SMURF2: variants seen among roughly 807,000 people sequenced by gnomAD.
SMURF2 encodes the protein E3 ubiquitin-protein ligase SMURF2.
SMURF2 carries 48 observed loss-of-function variants against 109.6 expected under a neutral mutation model. The ratio of observed to expected loss-of-function variants is 0.44; its 90% CI spans 0.35 to 0.56. SMURF2 has a LOEUF of 0.56. Ranked by LOEUF, SMURF2 falls within the 20% of genes least tolerant of loss-of-function variation. SMURF2 has a pLI of 0.01. For synonymous variants in SMURF2, 288 were observed against 317.1 expected, an observed-to-expected ratio of 0.91 and a Z score of 0.97; for missense variants, 575 against 909.0, an observed-to-expected ratio of 0.63 and a Z score of 4.72.
At chr17:64,609,754 A>G (rs1354559434) in intron 1 of SMURF2, among the ~76,000 whole-genome samples, 1 of 152,170 alleles carries the variant, frequency 6.6e-6, no homozygotes, top group Non-Finnish European at 1.5e-5. Context: ...AATGGCAACA[A>G]AAGCCAAAAT....
intron 1 of SMURF2, among the ~76,000 whole-genome samples, chr17:64,621,470 C>T (rs1440737234): frequency 1.3e-5 from 2 of 152,064 alleles, no homozygotes; most frequent in East Asian, 1.9e-4. Flanking sequence ...GTCCCAGCTA[C>T]TCAGGAGGCT....
intron 1 of SMURF2, among the ~76,000 whole-genome samples, chr17:64,631,942 C>T (rs1486830339): frequency 1.3e-5 from 1 of 74,610 alleles, no homozygotes; most frequent in African/African-American, 5.3e-5. Flanking sequence ...TAGTATTATT[C>T]TAAGACTCTC....
At chr17:64,557,792 CTAAT>C in intron 12 of SMURF2, 70 bp from the exon 13 acceptor site, 1 of 773,274 alleles carries the variant, frequency 1.3e-6, no homozygotes, top group Non-Finnish European at 2.1e-6. Context: ...ATGTCATTAA[CTAAT>C]CATTTTAGCA....
chr17:64,611,320 TTC>T (rs1404510241), intron 1 of SMURF2, among the ~76,000 whole-genome samples: 2 of 152,142 alleles, frequency 1.3e-5, no homozygotes, highest in Non-Finnish European at 2.9e-5. Flanking sequence ...TTTCCATATA[TTC>T]TCTCTGGTCT....
At position 64,578,703 on chromosome 17, in the gene SMURF2, C is replaced by CA. The variant is rs782696509; in HGVS notation, c.773-128dup. Reference sequence around the variant, plus strand: ...ATTACCAATCTATTTTATTTATTATCAAAAAAGGGCTTTACAAATCATTTG... The same window carrying CA: ...ATTACCAATCTATTTTATTTATTATCAAAAAAAGGGCTTTACAAATCATTTG... On this transcript the variant is annotated intron_variant, in intron 8 of 18. Coordinates refer to ENST00000262435, the MANE Select transcript of SMURF2 (RefSeq NM_022739.4). 6.1e-4 allele frequency: 370 copies of CA among 610,986 alleles called. 1 individual carries two copies. Among genetic ancestry groups the CA allele is most frequent in the Admixed American group, 2.0e-4 (6 of 30,488 alleles). 37.8% of individuals were successfully genotyped at this position (610,986 alleles called of 1,614,324 possible).
intron 1 of SMURF2, among the ~76,000 whole-genome samples, chr17:64,641,940 G>A (rs973146115): frequency 6.6e-6 from 1 of 152,114 alleles, no homozygotes; most frequent in African/African-American, 2.4e-5. Flanking sequence ...CCGAGTAGCT[G>A]GAATTACAGG....
chr17:64,617,191 A>G (rs1970138520), intron 1 of SMURF2, among the ~76,000 whole-genome samples: 1 of 151,944 alleles, frequency 6.6e-6, no homozygotes, highest in African/African-American at 2.4e-5. Context: ...AAGATTCAGA[A>G]TTCTCCTCTT....
intron 5 of SMURF2, 44 bp downstream of exon 5, chr17:64,591,040 C>G (rs1388096890): frequency 1.4e-6 from 2 of 1,427,734 alleles, no homozygotes; most frequent in African/African-American, 2.8e-5. Context: ...CACTTTAGGT[C>G]AGTTTGAAAC....
At chr17:64,622,304 CATT>C (rs1320016999) in intron 1 of SMURF2, among the ~76,000 whole-genome samples, 7 of 151,986 alleles carry the variant, frequency 4.6e-5, no homozygotes, top group Non-Finnish European at 1.0e-4. Context: ...GAACATCTAA[CATT>C]AATATGGGAC....
chr17:64,660,341 A>C (rs1040354520), intron 1 of SMURF2, among the ~76,000 whole-genome samples: 8 of 152,124 alleles, frequency 5.3e-5, no homozygotes, highest in African/African-American at 1.9e-4. Context: ...AGCAACAAAG[A>C]TCCCCTATAA....
At chr17:64,558,636 G>A (rs16947887) in intron 12 of SMURF2, among the ~76,000 whole-genome samples, 8,194 of 152,226 alleles carry the variant, frequency 0.054, 320 homozygotes, top group Admixed American at 0.14. Context: ...TGTAGGTATG[G>A]ACTCAAGGGC....
chr17:64,588,973 C>T (rs1260998055), intron 5 of SMURF2, among the ~76,000 whole-genome samples: 1 of 152,028 alleles, frequency 6.6e-6, no homozygotes, highest in Non-Finnish European at 1.5e-5. Flanking sequence ...TCTCCATTTT[C>T]CAAAAAGTAT....
chr17:64,607,062 G>GC (rs1400309424), intron 1 of SMURF2, among the ~76,000 whole-genome samples: 1 of 146,872 alleles, frequency 6.8e-6, no homozygotes, highest in Non-Finnish European at 1.5e-5. Context: ...ATATAGATGA[G>GC]TTTTTTTTCT....
intron 2 of SMURF2, 100 bp from the exon 3 acceptor site, chr17:64,598,590 TA>T: frequency 1.0e-6 from 1 of 977,020 alleles, no homozygotes; most frequent in Non-Finnish European, 1.4e-6. Flanking sequence ...TCCATTCTTT[TA>T]AAAAAGTTTA....
At chr17:64,564,005 A>C (rs1454502473) in intron 10 of SMURF2, among the ~76,000 whole-genome samples, 2 of 152,208 alleles carry the variant, frequency 1.3e-5, no homozygotes, top group African/African-American at 2.4e-5. Flanking sequence ...CATATATCAG[A>C]TATGTAAATA....
At chr17:64,631,649 C>A (rs952140496) in intron 1 of SMURF2, among the ~76,000 whole-genome samples, 2 of 152,102 alleles carry the variant, frequency 1.3e-5, no homozygotes, top group Non-Finnish European at 2.9e-5. Flanking sequence ...CACTTAAACA[C>A]CCCCTCCCAA....
intron 5 of SMURF2, among the ~76,000 whole-genome samples, chr17:64,587,643 C>A (rs1555687231): frequency 6.6e-6 from 1 of 152,132 alleles, no homozygotes; most frequent in African/African-American, 2.4e-5. Context: ...ATTCTGAAAT[C>A]TTCCAGCTCT....
At chr17:64,659,141 G>C (rs1337917210) in intron 1 of SMURF2, among the ~76,000 whole-genome samples, 12 of 152,152 alleles carry the variant, frequency 7.9e-5, no homozygotes, top group African/African-American at 2.9e-4. Context: ...TCTTCAGAGA[G>C]AGTGTGTATG....
At chr17:64,549,056 T>C (rs1015532797) in intron 16 of SMURF2, among the ~76,000 whole-genome samples, 2 of 149,816 alleles carry the variant, frequency 1.3e-5, no homozygotes, top group Non-Finnish European at 3.0e-5. Context: ...GGACGAGGCA[T>C]GCAGATCACT....
Sources: gnomAD v4.1 joint callset for allele counts (sites outside exome capture counted in the v4.1 genomes callset) on GRCh38, gnomAD v4.1.1 for gene constraint, MANE v1.5 for transcripts, NCBI Gene and HGNC (gene_info 2026-07-23, HGNC 2026-07-21) for gene names.